QTMAN: variants seen among roughly 807,000 people sequenced by gnomAD.
QTMAN encodes tRNA-queuosine alpha-mannosyltransferase.
the QTMAN span, among the ~76,000 whole-genome samples, chr2:144,224,699 C>T: frequency 2.6e-5 from 4 of 152,002 alleles, no homozygotes; most frequent in African/African-American, 7.3e-5. Context: ...AAGCAACAGG[C>T]ACAGCAAGAC....
the QTMAN span, among the ~76,000 whole-genome samples, chr2:144,328,365 T>C: frequency 6.6e-6 from 1 of 152,206 alleles, no homozygotes; most frequent in African/African-American, 2.4e-5. Context: ...TGATTCTATA[T>C]CCTAACTCCA....
chr2:144,151,101 A>C, the QTMAN span, among the ~76,000 whole-genome samples: 1 of 152,164 alleles, frequency 6.6e-6, no homozygotes, highest in Non-Finnish European at 1.5e-5. Flanking sequence ...AAGAGCTGGA[A>C]GGATTTTAAG....
At chr2:144,104,516 C>G in the QTMAN span, among the ~76,000 whole-genome samples, 1 of 151,992 alleles carries the variant, frequency 6.6e-6, no homozygotes, top group Non-Finnish European at 1.5e-5. Flanking sequence ...ATTGCTAGCA[C>G]AGCAGTCTGA....
the QTMAN span, among the ~76,000 whole-genome samples, chr2:144,165,378 T>A: frequency 4.0e-5 from 6 of 149,710 alleles, no homozygotes; most frequent in Non-Finnish European, 5.9e-5. Flanking sequence ...CTCAAAAAAA[T>A]AAATAAATAA....
At chr2:144,151,172 T>G in the QTMAN span, among the ~76,000 whole-genome samples, 1 of 152,188 alleles carries the variant, frequency 6.6e-6, no homozygotes, top group African/African-American at 2.4e-5. Flanking sequence ...CTTTCCACTT[T>G]GTAACAGAAA....
the QTMAN span, among the ~76,000 whole-genome samples, chr2:144,324,241 G>C: frequency 6.6e-6 from 1 of 152,028 alleles, no homozygotes; most frequent in African/African-American, 2.4e-5. Context: ...ATAACTACAA[G>C]AGTCTTATAC....
At chr2:144,164,498 A>G in the QTMAN span, among the ~76,000 whole-genome samples, 1 of 152,178 alleles carries the variant, frequency 6.6e-6, no homozygotes, top group East Asian at 1.9e-4. Context: ...TTGCCATTCT[A>G]TAGTTTCTAC....
the QTMAN span, among the ~76,000 whole-genome samples, chr2:144,231,535 A>T: frequency 3.3e-5 from 5 of 152,166 alleles, no homozygotes; most frequent in Admixed American, 1.3e-4. Flanking sequence ...TGTGTTCTGA[A>T]TTAAAACTAT....
At chr2:144,050,013 A>G in the QTMAN span, among the ~76,000 whole-genome samples, 1 of 152,208 alleles carries the variant, frequency 6.6e-6, no homozygotes, top group Admixed American at 6.5e-5. Flanking sequence ...CCGGAAGCCC[A>G]CAATCTAGAG....
chr2:144,062,895 A>G, the QTMAN span, among the ~76,000 whole-genome samples: 1 of 152,166 alleles, frequency 6.6e-6, no homozygotes, highest in Non-Finnish European at 1.5e-5. Flanking sequence ...GTGGCTCAGG[A>G]CTACCTGACC....
At chr2:144,308,141 C>T in the QTMAN span, among the ~76,000 whole-genome samples, 1 of 151,008 alleles carries the variant, frequency 6.6e-6, no homozygotes, top group Non-Finnish European at 1.5e-5. Flanking sequence ...CAGGAAAAAA[C>T]CCACACATAT....
At chr2:144,322,321 G>A in the QTMAN span, among the ~76,000 whole-genome samples, 27 of 152,114 alleles carry the variant, frequency 1.8e-4, no homozygotes, top group African/African-American at 2.6e-4. Context: ...AACATTCACC[G>A]TATTAGAAAT....
the QTMAN span, among the ~76,000 whole-genome samples, chr2:144,264,806 C>T: frequency 6.6e-6 from 1 of 152,182 alleles, no homozygotes; most frequent in African/African-American, 2.4e-5. Flanking sequence ...GTGAGAGATA[C>T]TTCTTAAAAC....
chr2:144,141,984 A>C, the QTMAN span: 2 of 1,610,736 alleles, frequency 1.2e-6, no homozygotes, highest in Middle Eastern at 1.7e-4. Flanking sequence ...CAGCTTCATA[A>C]ATTTTCCCAT....
the QTMAN span, among the ~76,000 whole-genome samples, chr2:144,124,032 C>T: frequency 1.3e-5 from 2 of 152,168 alleles, no homozygotes; most frequent in Middle Eastern, 3.4e-3. Flanking sequence ...AAAAGGACTA[C>T]AAGAAACTGT....
the QTMAN span, among the ~76,000 whole-genome samples, chr2:144,064,286 A>T: frequency 1.3e-5 from 2 of 152,362 alleles, no homozygotes; most frequent in South Asian, 4.1e-4. Flanking sequence ...GATTTCATTC[A>T]TTCTACATTA....
At chr2:144,182,856 TATATA>T in the QTMAN span, among the ~76,000 whole-genome samples, 147 of 65,622 alleles carry the variant, frequency 2.2e-3, 3 homozygotes, top group African/African-American at 0.012. Flanking sequence ...ATATATTTTA[TATATA>T]ATATATATAT....
chr2:144,064,229 T>C, the QTMAN span, among the ~76,000 whole-genome samples: 6 of 152,136 alleles, frequency 3.9e-5, no homozygotes, highest in Non-Finnish European at 8.8e-5. Context: ...AAGCAGTAGA[T>C]CTAGCTGATT....
At chr2:144,016,314 C>A in the QTMAN span, among the ~76,000 whole-genome samples, 3 of 152,108 alleles carry the variant, frequency 2.0e-5, no homozygotes, top group Admixed American at 2.0e-4. Flanking sequence ...TAACTTTTTT[C>A]AAACTTAATA....
Sources: allele counts gnomAD v4.1 joint callset (sites outside exome capture counted in the v4.1 genomes callset), GRCh38; gene constraint gnomAD v4.1.1; transcripts MANE v1.5; gene names NCBI Gene and HGNC (gene_info 2026-07-23, HGNC 2026-07-21).